Variants in FAM227B observed in about 807,000 individuals in gnomAD.
The protein encoded by FAM227B is family with sequence similarity 227 member B.
FAM227B carries 88 observed loss-of-function variants against 73.8 expected under a neutral mutation model. That is an observed-to-expected ratio of 1.19 (90% CI 1.00 to 1.42). The LOEUF is 1.42. Among genes scored for constraint, FAM227B ranks in the 40% most tolerant of loss-of-function variants. The pLI is 0.00. For missense variants in FAM227B, 632 were observed against 590.9 expected, an observed-to-expected ratio of 1.07 and a Z score of -0.72; for synonymous variants, 210 against 190.5, an observed-to-expected ratio of 1.10 and a Z score of -0.84.
intron 11 of FAM227B, among the ~76,000 whole-genome samples, chr15:49,440,765 G>A (rs1247091835): frequency 6.6e-6 from 1 of 151,626 alleles, no homozygotes; most frequent in East Asian, 2.0e-4. Context: ...ACAGAGTCAG[G>A]ACCTGAACTC....
intron 13 of FAM227B, among the ~76,000 whole-genome samples, chr15:49,359,195 A>G (rs1466775969): frequency 6.8e-6 from 1 of 147,952 alleles, no homozygotes; most frequent in Admixed American, 6.7e-5. Flanking sequence ...CTTCATGTCT[A>G]AAACACCAAA....
At chr15:49,564,920 C>A (rs145813599) in intron 9 of FAM227B, among the ~76,000 whole-genome samples, 1 of 152,044 alleles carries the variant, frequency 6.6e-6, no homozygotes, top group Non-Finnish European at 1.5e-5. Context: ...ATCTTTCATA[C>A]AATATACCCA....
intron 15 of FAM227B, chr15:49,329,756 C>T: frequency 1.0e-6 from 1 of 958,134 alleles, no homozygotes; most frequent in East Asian, 1.2e-4. Flanking sequence ...CCATTTTCCA[C>T]AAAGGATTTG....
At chr15:49,510,936 T>C (rs913877072) in intron 10 of FAM227B, among the ~76,000 whole-genome samples, 3 of 152,004 alleles carry the variant, frequency 2.0e-5, no homozygotes, top group African/African-American at 7.2e-5. Flanking sequence ...CAATTCTGTT[T>C]CTTAATCTTT....
At chr15:49,367,723 A>C in intron 12 of FAM227B, 115 bp from the exon 13 acceptor site, 1 of 1,005,288 alleles carries the variant, frequency 9.9e-7, no homozygotes, top group South Asian at 1.8e-5. Flanking sequence ...ATTAAAATAA[A>C]GGAAATTCTA....
At chr15:49,523,663 G>T (rs1457670172) in intron 10 of FAM227B, among the ~76,000 whole-genome samples, 1 of 152,196 alleles carries the variant, frequency 6.6e-6, no homozygotes, top group African/African-American at 2.4e-5. Context: ...GGAACAATTT[G>T]GAGGGCCCAG....
chr15:49,459,919 C>T (rs952472917), intron 11 of FAM227B, among the ~76,000 whole-genome samples: 2 of 152,180 alleles, frequency 1.3e-5, no homozygotes, highest in Non-Finnish European at 1.5e-5. Context: ...AAATGCCACA[C>T]ATTAGAGACA....
At chr15:49,482,070 G>C (rs1262208413) in intron 11 of FAM227B, among the ~76,000 whole-genome samples, 1 of 152,066 alleles carries the variant, frequency 6.6e-6, no homozygotes, top group Non-Finnish European at 1.5e-5. Flanking sequence ...GTTTTTGAAG[G>C]CCCAATCACA....
intron 15 of FAM227B, chr15:49,330,798 A>T (rs1024853442): frequency 6.6e-6 from 1 of 152,088 alleles, no homozygotes; most frequent in African/African-American, 2.4e-5. Context: ...GATGTAAAAA[A>T]TAGTCCTTAG....
chr15:49,367,439 A>G lies in FAM227B; in HGVS notation c.1271+9T>C. On this transcript the variant is annotated intron_variant, in intron 13 of 15. Coordinates refer to ENST00000299338, the MANE Select transcript of FAM227B (RefSeq NM_152647.3). The stretch of plus-strand genomic sequence containing the variant: ...AAATTATATTAAAGCAAAGCTTTAA[A>G]AAGGATATGGTTCCTGGAATATCTT... The G allele has an allele frequency of 1.3e-6, 2 of 1,544,146 alleles. No homozygotes were observed. Among genetic ancestry groups the G allele is most frequent in the Non-Finnish European group, 1.7e-6 (2 of 1,156,472 alleles).
At chr15:49,476,249 T>C (rs1362539956) in intron 11 of FAM227B, among the ~76,000 whole-genome samples, 3 of 149,616 alleles carry the variant, frequency 2.0e-5, no homozygotes, top group African/African-American at 7.3e-5. Context: ...TTTTTTTGCA[T>C]TTGGCATATA....
At chr15:49,544,922 A>AT (rs2071608490) in intron 9 of FAM227B, among the ~76,000 whole-genome samples, 2 of 151,782 alleles carry the variant, frequency 1.3e-5, no homozygotes, top group Admixed American at 1.3e-4. Flanking sequence ...TTCGTTGAGG[A>AT]TTTTTGCATC....
chr15:49,579,369 C>A (rs1338805228), intron 5 of FAM227B, among the ~76,000 whole-genome samples: 2 of 152,128 alleles, frequency 1.3e-5, no homozygotes, highest in Non-Finnish European at 2.9e-5. Context: ...GAACACTATT[C>A]ACGATAGCTA....
At chr15:49,342,742 G>C (rs1394794496) in intron 13 of FAM227B, among the ~76,000 whole-genome samples, 1 of 152,068 alleles carries the variant, frequency 6.6e-6, no homozygotes, top group East Asian at 1.9e-4. Flanking sequence ...AATTCCCTTA[G>C]TGCTTGCGTG....
chr15:49,478,549 G>GT (rs2055581684), intron 11 of FAM227B, among the ~76,000 whole-genome samples: 1 of 151,996 alleles, frequency 6.6e-6, no homozygotes, highest in East Asian at 1.9e-4. Flanking sequence ...AAATTTAAAT[G>GT]TTTTTTTCTT....
chr15:49,584,764 A>G (rs986237950), intron 5 of FAM227B, among the ~76,000 whole-genome samples: 3 of 152,158 alleles, frequency 2.0e-5, no homozygotes, highest in Non-Finnish European at 4.4e-5. Context: ...CACGATTGCC[A>G]CAGACACACA....
chr15:49,360,860 C>G (rs80079494), intron 13 of FAM227B, among the ~76,000 whole-genome samples: 2,627 of 152,234 alleles, frequency 0.017, 95 homozygotes, highest in African/African-American at 0.061. Flanking sequence ...GACATAAGCA[C>G]TCCTGTGATG....
At chr15:49,616,833 ATCC>A (rs1283277468) in intron 1 of FAM227B, among the ~76,000 whole-genome samples, 1 of 152,192 alleles carries the variant, frequency 6.6e-6, no homozygotes, top group African/African-American at 2.4e-5. Context: ...TATTCTTAAT[ATCC>A]TCCTATTATC....
chr15:49,523,157 G>C (rs1257316666), intron 10 of FAM227B, among the ~76,000 whole-genome samples: 1 of 152,156 alleles, frequency 6.6e-6, no homozygotes, highest in African/African-American at 2.4e-5. Flanking sequence ...AGCTAGAAGA[G>C]ATGCTAGAAG....
Sources: allele counts gnomAD v4.1 joint callset (sites outside exome capture counted in the v4.1 genomes callset), GRCh38; gene constraint gnomAD v4.1.1; transcripts MANE v1.5; gene names NCBI Gene and HGNC (gene_info 2026-07-23, HGNC 2026-07-21).